Variants in SLC25A21 observed in about 807,000 individuals in gnomAD.
SLC25A21 encodes mitochondrial 2-oxodicarboxylate carrier.
A neutral mutation model predicts 43.8 loss-of-function variants in SLC25A21; 47 were observed. The ratio of observed to expected loss-of-function variants is 1.07; its 90% confidence interval spans 0.85 to 1.37. SLC25A21 has a LOEUF of 1.37. Ranked by LOEUF, SLC25A21 falls within the 40% of genes most tolerant of loss-of-function variation. The pLI, the probability that SLC25A21 is intolerant of heterozygous loss-of-function variation, is 0.00. For synonymous variants in SLC25A21, 131 were observed against 121.3 expected, an observed-to-expected ratio of 1.08 and a Z score of -0.52; for missense variants, 352 against 350.2, an observed-to-expected ratio of 1.00 and a Z score of -0.04.
intron 1 of SLC25A21, among the ~76,000 whole-genome samples, chr14:36,968,727 G>T (rs1959677741): frequency 6.6e-6 from 1 of 152,104 alleles, no homozygotes; most frequent in African/African-American, 2.4e-5. Flanking sequence ...AGCCTCCCCG[G>T]TATGAGAATG....
In SLC25A21 at chr14:37,172,435, C is replaced by T. The variant is rs766909279; in HGVS notation, c.-85G>A. On this transcript the variant is annotated 5_prime_UTR_variant, in exon 1 of 10. Coordinates refer to ENST00000331299, the MANE Select transcript of SLC25A21 (RefSeq NM_030631.4). ...CACAGCCTACTGATCCAGAGAGCCC[C>T]GGCTGGGCTGGTCCTCAAGCGCGTT... The T allele has an allele frequency of 2.1e-5, 30 of 1,413,604 alleles. No individual in the cohort carries two copies. The South Asian group carries it at 3.6e-4, about 17-fold the overall frequency. 87.6% of individuals were successfully genotyped at this position (1,413,604 alleles called of 1,614,324 possible). A position where few individuals can be genotyped will look rare whatever the true frequency, so the allele number is the denominator to read the frequency against.
intron 1 of SLC25A21, among the ~76,000 whole-genome samples, chr14:37,085,653 C>T (rs374282314): frequency 6.6e-6 from 1 of 152,114 alleles, no homozygotes; most frequent in Non-Finnish European, 1.5e-5. Context: ...ACATTTTATA[C>T]CTTTGCATTA....
intron 3 of SLC25A21, among the ~76,000 whole-genome samples, chr14:36,775,804 A>G (rs1886799060): frequency 6.6e-6 from 1 of 152,282 alleles, no homozygotes; most frequent in South Asian, 2.1e-4. Flanking sequence ...GCACTCATCA[A>G]TACTAGCCAT....
chr14:37,071,376 T>C (rs1962166511), intron 1 of SLC25A21, among the ~76,000 whole-genome samples: 1 of 152,222 alleles, frequency 6.6e-6, no homozygotes, highest in African/African-American at 2.4e-5. Flanking sequence ...TCCAGTTCTC[T>C]TTTTTATGCA....
intron 2 of SLC25A21, among the ~76,000 whole-genome samples, chr14:36,842,636 A>G (rs1291358949): frequency 1.3e-5 from 2 of 152,228 alleles, no homozygotes; most frequent in African/African-American, 4.8e-5. Flanking sequence ...ATTGGTGCCA[A>G]TAAAGAAGGA....
At position 36,722,959 on chromosome 14, in the gene SLC25A21, GC is replaced by G. The variant is rs1884435112; in HGVS notation, c.438+2610del. ...CCTTTTATACTTAACAACCCACAAA[GC>G]CTTAGAGTGAAGAAAGCAAGAAGTA... On this transcript the variant is annotated intron_variant, in intron 6 of 9. Transcript: ENST00000331299. Among the ~76,000 whole-genome samples the G allele has an allele frequency of 2.6e-5, 4 of 152,016 alleles. No individual in the cohort carries two copies. In the South Asian group the frequency reaches 8.3e-4, roughly 32 times the overall value.
chr14:37,146,160 G>A (rs1963660612), intron 1 of SLC25A21, among the ~76,000 whole-genome samples: 1 of 152,160 alleles, frequency 6.6e-6, no homozygotes, highest in South Asian at 2.1e-4. Flanking sequence ...TAAAACACTT[G>A]ACATTTATTC....
At chr14:37,020,277 C>A (rs1272666456) in intron 1 of SLC25A21, among the ~76,000 whole-genome samples, 1 of 151,774 alleles carries the variant, frequency 6.6e-6, no homozygotes, top group East Asian at 1.9e-4. Flanking sequence ...AGTAAGGTTG[C>A]TGATTTATAA....
intron 1 of SLC25A21, among the ~76,000 whole-genome samples, chr14:37,161,907 G>A (rs1963947604): frequency 7.1e-6 from 1 of 140,096 alleles, no homozygotes. Flanking sequence ...AGCTTGCAGT[G>A]AGCCGAGATC....
chr14:36,953,387 T>G (rs1959239425), intron 1 of SLC25A21, among the ~76,000 whole-genome samples: 1 of 152,082 alleles, frequency 6.6e-6, no homozygotes, highest in South Asian at 2.1e-4. Context: ...GTCATACATC[T>G]CACTATATAG....
At chr14:36,861,913 A>G (rs1890075263) in intron 2 of SLC25A21, among the ~76,000 whole-genome samples, 1 of 152,148 alleles carries the variant, frequency 6.6e-6, no homozygotes, top group Admixed American at 6.5e-5. Flanking sequence ...AGGAACTTAA[A>G]CAAAAAACAA....
At chr14:37,061,608 GA>G (rs535027193) in intron 1 of SLC25A21, among the ~76,000 whole-genome samples, 20 of 151,506 alleles carry the variant, frequency 1.3e-4, no homozygotes, top group East Asian at 5.8e-4. Flanking sequence ...TAGGGAAAGA[GA>G]AAAAAAATCA....
At chr14:36,844,544 C>T (rs1349994586) in intron 2 of SLC25A21, among the ~76,000 whole-genome samples, 1 of 152,126 alleles carries the variant, frequency 6.6e-6, no homozygotes, top group Non-Finnish European at 1.5e-5. Context: ...CAATCATTTC[C>T]ATTTTATTTT....
chr14:36,809,058 G>A (rs1283241743), intron 3 of SLC25A21: 2 of 152,294 alleles, frequency 1.3e-5, no homozygotes, highest in Non-Finnish European at 2.9e-5. Flanking sequence ...AGATAAAGGG[G>A]AAGTGAGGCG....
chr14:36,894,475 T>A (rs1457343236), intron 1 of SLC25A21, among the ~76,000 whole-genome samples: 1 of 152,174 alleles, frequency 6.6e-6, no homozygotes, highest in Non-Finnish European at 1.5e-5. Flanking sequence ...TACAATCATG[T>A]CATCTGCAAA....
chr14:36,697,580 G>T (rs955668696), intron 7 of SLC25A21, among the ~76,000 whole-genome samples: 2 of 152,124 alleles, frequency 1.3e-5, no homozygotes, highest in African/African-American at 4.8e-5. Context: ...CTTGCTTTAT[G>T]AATCTGGGTG....
chr14:36,681,198 G>T (rs1882238723), intron 9 of SLC25A21, among the ~76,000 whole-genome samples: 1 of 152,178 alleles, frequency 6.6e-6, no homozygotes, highest in Non-Finnish European at 1.5e-5. Flanking sequence ...CTTTCAAACT[G>T]CATTGCTACG....
intron 1 of SLC25A21, among the ~76,000 whole-genome samples, chr14:37,063,910 C>T (rs985742628): frequency 6.6e-6 from 1 of 152,130 alleles, no homozygotes; most frequent in Admixed American, 6.5e-5. Context: ...CTGAAACCAC[C>T]ACCCCTTGTG....
At chr14:36,781,512 G>T (rs1469592442) in intron 3 of SLC25A21, among the ~76,000 whole-genome samples, 1 of 151,878 alleles carries the variant, frequency 6.6e-6, no homozygotes, top group Non-Finnish European at 1.5e-5. Context: ...TTGCTTTGTG[G>T]TTACCATTGG....
Sources: allele counts gnomAD v4.1 joint callset (sites outside exome capture counted in the v4.1 genomes callset), GRCh38; gene constraint gnomAD v4.1.1; transcripts MANE v1.5; gene names NCBI Gene and HGNC (gene_info 2026-07-23, HGNC 2026-07-21).